Variants in RAMP1 observed in about 807,000 individuals in gnomAD.
RAMP1 encodes the protein receptor activity-modifying protein 1.
Under a neutral mutation model 8.2 loss-of-function variants are expected in RAMP1, and 7 were observed. The ratio of observed to expected loss-of-function variants is 0.85; its 90% CI spans 0.49 to 1.60. RAMP1 has a LOEUF of 1.60. Among genes scored for constraint, RAMP1 ranks in the 40% most tolerant of loss-of-function variants. RAMP1 has a pLI of 0.00. For missense variants in RAMP1, 192 were observed against 202.4 expected (o/e 0.95, Z 0.31); for synonymous variants, 92 against 84.7 (o/e 1.09, Z -0.47).
At chr2:237,889,861 C>T (rs1041085823) in intron 2 of RAMP1, among the ~76,000 whole-genome samples, 6 of 152,170 alleles carry the variant, frequency 3.9e-5, no homozygotes, top group East Asian at 1.9e-4. Context: ...TCTGGGCTAA[C>T]GCAATCCTCC....
intron 2 of RAMP1, among the ~76,000 whole-genome samples, chr2:237,896,180 AACTGCACT>A (rs1220445062): frequency 2.0e-5 from 3 of 152,202 alleles, no homozygotes; most frequent in Admixed American, 6.5e-5. Context: ...TGCATTTTAA[AACTGCACT>A]TCATTTGGCA....
intron 1 of RAMP1, among the ~76,000 whole-genome samples, chr2:237,874,279 C>T (rs1289922089): frequency 6.6e-6 from 1 of 152,238 alleles, no homozygotes; most frequent in Non-Finnish European, 1.5e-5. Flanking sequence ...GGGAGGGCCA[C>T]CCTGTGGCCT....
rs1354395133 is a variant in RAMP1, at chr2:237,859,671, G to T, written c.-5G>T. 2.7e-6 allele frequency: 4 copies of T among 1,500,520 alleles called. No individual in the cohort carries two copies. In the African/African-American group the frequency reaches 5.8e-5, roughly 22 times the overall value. The allele number at this position is 1,500,520 out of a possible 1,614,324, so 93.0% of individuals were successfully genotyped here. A position where few individuals can be genotyped will look rare whatever the true frequency, so the allele number is the denominator to read the frequency against. On this transcript the variant is annotated 5_prime_UTR_variant, in exon 1 of 3. Transcript: ENST00000254661. ...AGCGGACTCGACTCGGCACCGCTGT[G>T]CACCATGGCCCGGGCCCTGTGCCGC... is the stretch of plus-strand genomic sequence containing the variant.
In RAMP1 at chr2:237,877,566, G is replaced by A. The variant is rs1049785829; in HGVS notation, c.191+204G>A. Reference sequence around the variant, plus strand: ...AAGAGTGACGGTGGGAGGAGGCCACGTCCTCAATAATCTGGTCTGGGGATG... The same window carrying A: ...AAGAGTGACGGTGGGAGGAGGCCACATCCTCAATAATCTGGTCTGGGGATG... On this transcript the variant is annotated intron_variant, in intron 2 of 2. Transcript: ENST00000254661. This position sits in a 1 kb window ranked among gnomAD's most constrained non-coding sequence, Gnocchi z 4.4. Among the ~76,000 whole-genome samples the A allele has an allele frequency of 3.3e-5, 5 of 152,122 alleles. No homozygotes were observed. The highest frequency in any genetic ancestry group is 1.9e-4 in the East Asian group (1 of 5,188).
intron 2 of RAMP1, among the ~76,000 whole-genome samples, chr2:237,888,716 A>C (rs6748731): frequency 7.9e-5 from 12 of 152,138 alleles, no homozygotes; most frequent in Non-Finnish European, 1.6e-4. Flanking sequence ...AGGAAGGTAC[A>C]GAGATTTCCC....
At chr2:237,907,867 AT>A (rs2062668610) in intron 2 of RAMP1, among the ~76,000 whole-genome samples, 1 of 152,198 alleles carries the variant, frequency 6.6e-6, no homozygotes, top group African/African-American at 2.4e-5. Context: ...AAAATATATA[AT>A]TTTTATTGAA....
At chr2:237,894,867 A>G (rs2062522667) in intron 2 of RAMP1, among the ~76,000 whole-genome samples, 2 of 152,176 alleles carry the variant, frequency 1.3e-5, no homozygotes, top group African/African-American at 4.8e-5. Flanking sequence ...GGTGAGACAA[A>G]GCGTTGCCAG....
chr2:237,861,532 T>C (rs1484955869), intron 1 of RAMP1, among the ~76,000 whole-genome samples: 2 of 152,166 alleles, frequency 1.3e-5, no homozygotes, highest in Non-Finnish European at 2.9e-5. Flanking sequence ...ATCAAGCTAT[T>C]TGTCTTAGGT....
chr2:237,874,995 G>A (rs939134900), intron 1 of RAMP1, among the ~76,000 whole-genome samples: 12 of 152,144 alleles, frequency 7.9e-5, no homozygotes, highest in African/African-American at 2.9e-4. Context: ...AAAGGCAGTG[G>A]GGGGCGGGAT....
intron 2 of RAMP1, among the ~76,000 whole-genome samples, chr2:237,893,662 G>A (rs953639161): frequency 1.3e-5 from 2 of 152,128 alleles, no homozygotes. Flanking sequence ...GTTTCGGCCG[G>A]GTATGGTGGC....
intron 2 of RAMP1, among the ~76,000 whole-genome samples, chr2:237,894,431 G>A (rs1449352283): frequency 6.6e-6 from 1 of 152,238 alleles, no homozygotes; most frequent in Non-Finnish European, 1.5e-5. Context: ...GCCGGGGGCA[G>A]TGCTGGGGTG....
At chr2:237,906,057 T>C (rs2062648096) in intron 2 of RAMP1, among the ~76,000 whole-genome samples, 1 of 150,478 alleles carries the variant, frequency 6.6e-6, no homozygotes, top group Non-Finnish European at 1.5e-5. Flanking sequence ...TTTAGCCCTG[T>C]AGTTGAGAAG....
At chr2:237,885,772 G>A (rs1314244555) in intron 2 of RAMP1, among the ~76,000 whole-genome samples, 2 of 152,212 alleles carry the variant, frequency 1.3e-5, no homozygotes, top group East Asian at 1.9e-4. Flanking sequence ...TGTGAGGAAA[G>A]CCCTGGCTAG....
intron 2 of RAMP1, among the ~76,000 whole-genome samples, chr2:237,904,631 G>A (rs2062636161): frequency 1.3e-5 from 2 of 152,134 alleles, no homozygotes; most frequent in South Asian, 2.1e-4. Context: ...ATTTTAAAAA[G>A]CGAATATAAA....
Position 237,862,863 on chromosome 2 carries a change from A to G in RAMP1, c.52+3136A>G, listed in dbSNP as rs2062145663. ...GTGTTCTGCTGGAACCACGGGGAAA[A>G]GCTGCGTCTTTCCTCCAGGCTGGAT... On this transcript the variant is annotated intron_variant, in intron 1 of 2. Transcript: ENST00000254661. This position sits in a 1 kb window ranked among gnomAD's most constrained non-coding sequence, Gnocchi z 4.0. Among the ~76,000 whole-genome samples the G allele has an allele frequency of 6.6e-6, 1 of 152,122 alleles. No homozygotes were observed. The highest frequency in any genetic ancestry group is 2.4e-5 in the African/African-American group (1 of 41,424).
chr2:237,871,286 AGAG>A (rs2062241980), intron 1 of RAMP1, among the ~76,000 whole-genome samples: 1 of 152,134 alleles, frequency 6.6e-6, no homozygotes, highest in Admixed American at 6.6e-5. Context: ...AGGGGCAGGG[AGAG>A]GAGGAGCTCA....
At position 237,911,837 on chromosome 2, in the gene RAMP1, G is replaced by A; in HGVS notation, c.*54G>A. The A allele has an allele frequency of 6.5e-7, 1 of 1,533,506 alleles. No individual in the cohort carries two copies. The allele number at this position is 1,533,506 out of a possible 1,614,324, so 95.0% of individuals were successfully genotyped here. A position where few individuals can be genotyped will look rare whatever the true frequency, so the allele number is the denominator to read the frequency against. On this transcript the variant is annotated 3_prime_UTR_variant, in exon 3 of 3. Coordinates refer to ENST00000254661, the MANE Select transcript of RAMP1 (RefSeq NM_005855.4). ...CCAGGCTGCAGGGTGAGGCCAGGCA[G>A]GCCTGGGTAGGGGCAGCTTCTGGAG...
intron 2 of RAMP1, among the ~76,000 whole-genome samples, chr2:237,880,761 C>T (rs929399376): frequency 5.3e-5 from 8 of 152,118 alleles, no homozygotes; most frequent in Non-Finnish European, 1.2e-4. Context: ...CTGGGTGAGG[C>T]CCCACCCCCA....
intron 1 of RAMP1, among the ~76,000 whole-genome samples, chr2:237,873,017 C>G (rs150147123): frequency 2.0e-5 from 3 of 152,088 alleles, no homozygotes; most frequent in Admixed American, 2.0e-4. Flanking sequence ...ACCAAGACCC[C>G]GTCTCAAAAT....
Sources: gnomAD v4.1 joint callset for allele counts (sites outside exome capture counted in the v4.1 genomes callset) on GRCh38, gnomAD v4.1.1 for gene constraint, Gnocchi (gnomAD v3.1) non-coding constraint, MANE v1.5 for transcripts, NCBI Gene and HGNC (gene_info 2026-07-23, HGNC 2026-07-21) for gene names.